The following GLIS3 variants were observed in gnomAD, a reference collection of about 807,000 sequenced individuals.
The protein encoded by GLIS3 is zinc finger protein GLIS3.
GLIS3 carries 53 observed loss-of-function variants against 78.6 expected under a neutral mutation model. The ratio of observed to expected loss-of-function variants is 0.67; its 90% CI spans 0.54 to 0.85. The LOEUF (loss-of-function observed/expected upper bound fraction) is 0.85. GLIS3 is among the 40% of genes least tolerant of loss of function. The pLI, the probability that GLIS3 is intolerant of heterozygous loss-of-function variation, is 0.00. For missense variants in GLIS3, 1,703 were observed against 1,231.1 expected (o/e 1.38, Z -5.74); for synonymous variants, 684 against 509.9 (o/e 1.34, Z -4.60).
upstream of GLIS3, among the ~76,000 whole-genome samples, chr9:4,351,056 C>G (rs1320001359): frequency 2.6e-5 from 4 of 152,126 alleles, no homozygotes. Context: ...CTGGGCTTCA[C>G]TTCTCTGTAT....
At chr9:4,209,236 C>T (rs538305209) in intron 2 of GLIS3, among the ~76,000 whole-genome samples, 1 of 152,276 alleles carries the variant, frequency 6.6e-6, no homozygotes, top group African/African-American at 2.4e-5. Flanking sequence ...CTGAGTTCAT[C>T]TAGAACCCAC....
At chr9:4,275,212 G>A (rs1403575252) in intron 2 of GLIS3, among the ~76,000 whole-genome samples, 1 of 152,294 alleles carries the variant, frequency 6.6e-6, no homozygotes. Context: ...AGTAGGCAAC[G>A]CTCTCCATGT....
chr9:4,001,444 A>G (rs1286223000), intron 4 of GLIS3, among the ~76,000 whole-genome samples: 1 of 152,244 alleles, frequency 6.6e-6, no homozygotes, highest in African/African-American at 2.4e-5. Context: ...TTAGGCAACC[A>G]ATTAAAATTC....
intron 6 of GLIS3, among the ~76,000 whole-genome samples, chr9:3,929,996 G>C (rs1233307340): frequency 6.6e-6 from 1 of 151,934 alleles, no homozygotes; most frequent in East Asian, 1.9e-4. Context: ...ATTACACCCT[G>C]GTATATCAGC....
intron 4 of GLIS3, among the ~76,000 whole-genome samples, chr9:3,961,166 G>A (rs1043363698): frequency 2.0e-5 from 3 of 152,156 alleles, no homozygotes; most frequent in Non-Finnish European, 2.9e-5. Flanking sequence ...ATAGGCCCTT[G>A]CATTATAAGA....
chr9:4,406,532 T>C, the GLIS3 span, among the ~76,000 whole-genome samples: 2 of 152,142 alleles, frequency 1.3e-5, no homozygotes, highest in Admixed American at 6.5e-5. Flanking sequence ...GTTGGTCAGA[T>C]ATGATCTTAT....
intron 2 of GLIS3, among the ~76,000 whole-genome samples, chr9:4,273,620 TAA>T (rs1563876268): frequency 1.3e-5 from 2 of 149,000 alleles, no homozygotes; most frequent in Non-Finnish European, 3.0e-5. Context: ...AATAAATAAA[TAA>T]ATAAATAAAT....
chr9:4,421,012 G>A, the GLIS3 span, among the ~76,000 whole-genome samples: 4 of 152,160 alleles, frequency 2.6e-5, no homozygotes, highest in African/African-American at 9.7e-5. Context: ...AAAGTTGCAC[G>A]TTCGCTTCTG....
intron 4 of GLIS3, among the ~76,000 whole-genome samples, chr9:3,988,723 A>G (rs1819976386): frequency 6.6e-6 from 1 of 152,130 alleles, no homozygotes; most frequent in Non-Finnish European, 1.5e-5. Context: ...AAGAAAAAGA[A>G]TCTTGACCTA....
chr9:3,832,895 T>C (rs1006854740), intron 9 of GLIS3, among the ~76,000 whole-genome samples: 1 of 152,192 alleles, frequency 6.6e-6, no homozygotes, highest in Admixed American at 6.5e-5. Flanking sequence ...TCGGGGACAA[T>C]GATAGAGACT....
the GLIS3 span, among the ~76,000 whole-genome samples, chr9:4,456,026 C>T: frequency 3.3e-5 from 5 of 151,892 alleles, no homozygotes; most frequent in African/African-American, 1.2e-4. Flanking sequence ...GAGAATGGCT[C>T]GAACCTGGGA....
At chr9:4,278,863 C>A (rs1827261069) in intron 2 of GLIS3, among the ~76,000 whole-genome samples, 1 of 152,220 alleles carries the variant, frequency 6.6e-6, no homozygotes, top group Admixed American at 6.5e-5. Context: ...AAGCAGCATT[C>A]AGTGCTTCTG....
intron 4 of GLIS3, among the ~76,000 whole-genome samples, chr9:3,950,402 T>C (rs1391556383): frequency 6.6e-6 from 1 of 152,264 alleles, no homozygotes; most frequent in Non-Finnish European, 1.5e-5. Flanking sequence ...AGCCTCGCCA[T>C]GGCTCATACA....
chr9:4,249,511 G>T (rs200111246), intron 2 of GLIS3, among the ~76,000 whole-genome samples: 1 of 152,124 alleles, frequency 6.6e-6, no homozygotes, highest in African/African-American at 2.4e-5. Context: ...GCTTAAGGAG[G>T]TTTGGGGCTG....
intron 4 of GLIS3, among the ~76,000 whole-genome samples, chr9:4,115,935 T>G (rs1405769383): frequency 6.6e-6 from 1 of 152,230 alleles, no homozygotes; most frequent in Non-Finnish European, 1.5e-5. Context: ...ATACCCATTC[T>G]GAACAATACA....
At chr9:4,213,831 GC>G (rs1457425711) in intron 2 of GLIS3, among the ~76,000 whole-genome samples, 2 of 151,734 alleles carry the variant, frequency 1.3e-5, no homozygotes, top group Non-Finnish European at 2.9e-5. Context: ...TCTATAATGG[GC>G]CTAGTAGTGT....
chr9:3,991,991 G>A (rs972672220), intron 4 of GLIS3, among the ~76,000 whole-genome samples: 19 of 152,084 alleles, frequency 1.2e-4, no homozygotes, highest in Admixed American at 2.0e-4. Context: ...TGCCCGGCCA[G>A]TAGGCTGAAT....
chr9:3,840,494 G>A (rs1029750181), intron 9 of GLIS3, among the ~76,000 whole-genome samples: 1 of 152,192 alleles, frequency 6.6e-6, no homozygotes. Context: ...GTGTTAGGAA[G>A]ACAGATTTTT....
the GLIS3 span, among the ~76,000 whole-genome samples, chr9:4,455,220 G>A: frequency 6.6e-6 from 1 of 152,176 alleles, no homozygotes. Context: ...GCTGACTTTG[G>A]ATTGATTTAT....
Sources: allele counts gnomAD v4.1 joint callset (sites outside exome capture counted in the v4.1 genomes callset), GRCh38; gene constraint gnomAD v4.1.1; transcripts MANE v1.5; gene names NCBI Gene and HGNC (gene_info 2026-07-23, HGNC 2026-07-21).